FHIT: variants seen among roughly 807,000 people sequenced by gnomAD.
FHIT encodes bis(5'-adenosyl)-triphosphatase.
FHIT carries 19 observed loss-of-function variants against 17.9 expected under a neutral mutation model. The ratio of observed to expected loss-of-function variants is 1.06; its 90% confidence interval spans 0.74 to 1.56. FHIT has a LOEUF of 1.56. FHIT is among the 40% of genes most tolerant of loss of function. FHIT has a pLI of 0.00. For missense variants in FHIT, 248 were observed against 189.2 expected, an observed-to-expected ratio of 1.31 and a Z score of -1.82; for synonymous variants, 81 against 69.7, an observed-to-expected ratio of 1.16 and a Z score of -0.81.
intron 4 of FHIT, chr3:60,732,157 C>T: frequency 1.3e-6 from 1 of 776,626 alleles, no homozygotes; most frequent in Non-Finnish European, 2.2e-6. Flanking sequence ...GTAGAGCTGT[C>T]CACAGTCAGC....
chr3:60,358,484 C>T (rs968520696), intron 5 of FHIT, among the ~76,000 whole-genome samples: 8 of 152,112 alleles, frequency 5.3e-5, no homozygotes, highest in African/African-American at 1.9e-4. Context: ...CTCAGGTGTT[C>T]CTTATATTCT....
At chr3:61,239,280 AT>A (rs2040309428) in intron 1 of FHIT, among the ~76,000 whole-genome samples, 1 of 152,188 alleles carries the variant, frequency 6.6e-6, no homozygotes, top group Non-Finnish European at 1.5e-5. Context: ...CCTGGGCCCT[AT>A]CTATACAGCC....
intron 4 of FHIT, among the ~76,000 whole-genome samples, chr3:60,641,711 C>T (rs2039729183): frequency 6.6e-6 from 1 of 152,124 alleles, no homozygotes; most frequent in African/African-American, 2.4e-5. Context: ...TTATCTCCAT[C>T]TGAAGCCTAT....
At chr3:61,187,256 A>C (rs765247548) in intron 2 of FHIT, among the ~76,000 whole-genome samples, 7 of 152,212 alleles carry the variant, frequency 4.6e-5, no homozygotes, top group Non-Finnish European at 1.0e-4. Flanking sequence ...GATTAGGTAC[A>C]TATGCAAAGA....
intron 5 of FHIT, among the ~76,000 whole-genome samples, chr3:60,419,804 T>A (rs1358490844): frequency 2.0e-5 from 3 of 152,190 alleles, no homozygotes; most frequent in Non-Finnish European, 4.4e-5. Context: ...AGGTATCAAT[T>A]AGGTTCAGTT....
chr3:60,982,974 G>A, intron 3 of FHIT, among the ~76,000 whole-genome samples: 1 of 152,024 alleles, frequency 6.6e-6, no homozygotes, highest in East Asian at 1.9e-4. Flanking sequence ...CAACTCTCTG[G>A]GGCAGGGTTG....
intron 5 of FHIT, among the ~76,000 whole-genome samples, chr3:60,502,629 T>C (rs2034568588): frequency 6.6e-6 from 1 of 152,202 alleles, no homozygotes; most frequent in Non-Finnish European, 1.5e-5. Flanking sequence ...TAATTTTTTA[T>C]TTATTGCCTA....
At chr3:60,311,215 A>C (rs975488331) in intron 5 of FHIT, among the ~76,000 whole-genome samples, 12 of 151,606 alleles carry the variant, frequency 7.9e-5, no homozygotes, top group African/African-American at 2.9e-4. Context: ...CTTTTTTAAC[A>C]GTACACCTCC....
chr3:60,449,399 G>T (rs1243892479), intron 5 of FHIT, among the ~76,000 whole-genome samples: 1 of 150,468 alleles, frequency 6.6e-6, no homozygotes, highest in East Asian at 1.9e-4. Context: ...GCACTTAGAA[G>T]TTATTCAAAT....
intron 8 of FHIT, among the ~76,000 whole-genome samples, chr3:59,793,482 A>G (rs1699653964): frequency 6.6e-6 from 1 of 152,118 alleles, no homozygotes. Context: ...GCCTTGCCCA[A>G]GGTCACATGG....
chr3:60,229,538 G>A (rs1704389521), intron 5 of FHIT, among the ~76,000 whole-genome samples: 4 of 152,148 alleles, frequency 2.6e-5, no homozygotes, highest in African/African-American at 7.2e-5. Context: ...AGGAACAGGT[G>A]TACACAGTAA....
chr3:59,881,830 T>C (rs1703422247), intron 8 of FHIT, among the ~76,000 whole-genome samples: 1 of 152,194 alleles, frequency 6.6e-6, no homozygotes, highest in Non-Finnish European at 1.5e-5. Flanking sequence ...ATTAATTAAA[T>C]GCAAATTGAA....
intron 2 of FHIT, among the ~76,000 whole-genome samples, chr3:61,117,724 A>T (rs2036341238): frequency 2.0e-5 from 3 of 152,172 alleles, no homozygotes; most frequent in Admixed American, 2.0e-4. Context: ...GCTAGAGTAG[A>T]TCATTACTCC....
At chr3:60,504,854 T>C (rs904599620) in intron 5 of FHIT, among the ~76,000 whole-genome samples, 3 of 152,194 alleles carry the variant, frequency 2.0e-5, no homozygotes, top group Non-Finnish European at 2.9e-5. Context: ...TTTATAATTA[T>C]TTTTCAAAGT....
chr3:60,337,120 T>C (rs1456388465), intron 5 of FHIT, among the ~76,000 whole-genome samples: 1 of 152,212 alleles, frequency 6.6e-6, no homozygotes, highest in Non-Finnish European at 1.5e-5. Flanking sequence ...ACATTTATTC[T>C]TGGGCTAAGT....
intron 2 of FHIT, among the ~76,000 whole-genome samples, chr3:61,131,676 T>C (rs574286665): frequency 4.6e-4 from 70 of 152,328 alleles, no homozygotes; most frequent in Non-Finnish European, 7.6e-4. Context: ...GACCAGAACA[T>C]GAGCCCAGTC....
chr3:60,034,917 C>T (rs1033456993), intron 5 of FHIT, among the ~76,000 whole-genome samples: 2 of 152,144 alleles, frequency 1.3e-5, no homozygotes, highest in African/African-American at 4.8e-5. Flanking sequence ...ACTAAATTTC[C>T]TTCACCAATC....
rs575870814 is a variant in FHIT at position 60,739,617 on chromosome 3, T to C, written c.-18+82302A>G. ...CTGTGCATTGCAGGATGTTCATCCC[T>C]GGCCTCTACCTACAAGATGGTAGTA... is the stretch of plus-strand genomic sequence containing the variant. On this transcript the variant is annotated intron_variant, in intron 4 of 9. Coordinates refer to ENST00000492590, the MANE Select transcript of FHIT (RefSeq NM_002012.4). 1.6e-4 allele frequency among the ~76,000 whole-genome samples: 25 copies of C among 152,324 alleles called. No individual in the cohort carries two copies. In the East Asian group the frequency reaches 4.6e-3, roughly 28 times the overall value.
At chr3:61,123,508 A>AT (rs1330630311) in intron 2 of FHIT, among the ~76,000 whole-genome samples, 3 of 152,012 alleles carry the variant, frequency 2.0e-5, no homozygotes, top group Non-Finnish European at 4.4e-5. Context: ...AATAAAAAAA[A>AT]AGGAGAAGAA....
Sources: allele counts gnomAD v4.1 joint callset (sites outside exome capture counted in the v4.1 genomes callset), GRCh38; gene constraint gnomAD v4.1.1; transcripts MANE v1.5; gene names NCBI Gene and HGNC (gene_info 2026-07-23, HGNC 2026-07-21).